MAP3K11: variants seen among roughly 807,000 people sequenced by gnomAD.
MAP3K11 encodes the protein mitogen-activated protein kinase kinase kinase 11.
MAP3K11 carries 46 observed loss-of-function variants against 84.9 expected under a neutral mutation model. That is an observed-to-expected ratio of 0.54 (90% CI 0.43 to 0.69). MAP3K11 has a LOEUF of 0.69. MAP3K11 is among the 30% of genes least tolerant of loss of function. MAP3K11 has a pLI of 0.00. For synonymous variants in MAP3K11, 527 were observed against 514.7 expected (o/e 1.02, Z -0.32); for missense variants, 1,053 against 1,198.3 (o/e 0.88, Z 1.79).
chr11:65,604,719 C>T (rs985143317), intron 8 of MAP3K11, among the ~76,000 whole-genome samples: 1 of 149,564 alleles, frequency 6.7e-6, no homozygotes, highest in East Asian at 2.0e-4. Flanking sequence ...ATGGAAGAGG[C>T]GATGGGCTGG....
At chr11:65,612,425 G>A (rs1038246928) in intron 1 of MAP3K11, 2 of 152,340 alleles carry the variant, frequency 1.3e-5, no homozygotes, top group Non-Finnish European at 2.9e-5. Context: ...GGGATCGCAG[G>A]TCGGGCTTGC....
intron 9 of MAP3K11, 92 bp downstream of exon 9, chr11:65,599,302 C>T (rs550219522): frequency 2.8e-6 from 4 of 1,415,636 alleles, no homozygotes; most frequent in Admixed American, 3.7e-5. Context: ...TGGTCTCGGC[C>T]TTGCCTCCTT....
In MAP3K11 at chr11:65,599,884, C is replaced by T. The variant is rs940218811; in HGVS notation, c.1832-116G>A. 5.2e-6 allele frequency: 6 copies of T among 1,157,410 alleles called. No individual in the cohort carries two copies. In the African/African-American group the frequency reaches 6.5e-5, roughly 13 times the overall value. The allele number at this position is 1,157,410 out of a possible 1,614,324, so 71.7% of individuals were successfully genotyped here. ...GAGTTCTGCCCTCTACTAGCATCTT[C>T]CCTGGTCCCACAGGTCCCATGGCCT... On this transcript the variant is annotated intron_variant, in intron 8 of 9. Transcript: ENST00000309100.
chr11:65,609,366 G>A (rs989957004), intron 1 of MAP3K11: 2 of 152,290 alleles, frequency 1.3e-5, no homozygotes, highest in Admixed American at 1.3e-4. Flanking sequence ...TGGAAGGGAA[G>A]AGAAAGGGTG....
At chr11:65,606,251 G>A in intron 6 of MAP3K11, 170 bp from the exon 7 acceptor site, 2 of 655,584 alleles carry the variant, frequency 3.1e-6, no homozygotes, top group South Asian at 5.2e-5. Context: ...CAACAGTGGG[G>A]TGGGGCATCT....
chr11:65,598,552 C>A lies in MAP3K11; in HGVS notation c.2283G>T (p.Leu761=). 1 of 1,609,064 alleles carries A rather than the reference C, an allele frequency of 6.2e-7. No individual in the cohort carries two copies. The highest frequency in any genetic ancestry group is 1.7e-5 in the Admixed American group (1 of 59,374). ...GTPGTPRSPP[L]GLISRPRPSP... Reference sequence around the variant, plus strand: ...AGGGCCGAGGTCGGCTGATGAGGCCCAGGGGTGGTGAACGTGGGGTGCCTG... The same window carrying A: ...AGGGCCGAGGTCGGCTGATGAGGCCAAGGGGTGGTGAACGTGGGGTGCCTG... The change falls in exon 10 of 10, where the codon CTG becomes CTT. Residue 761 remains leucine, a synonymous_variant. Transcript: ENST00000309100.
chr11:65,600,191 C>T (rs1273248931), intron 8 of MAP3K11, among the ~76,000 whole-genome samples: 2 of 152,184 alleles, frequency 1.3e-5, no homozygotes, highest in East Asian at 3.8e-4. Flanking sequence ...CAGCCCTGCC[C>T]CTTCTGCCCA....
intron 5 of MAP3K11, 137 bp downstream of exon 5, chr11:65,607,133 T>C (rs1194000940): frequency 3.3e-5 from 40 of 1,198,232 alleles, no homozygotes; most frequent in Non-Finnish European, 4.4e-5. Context: ...CACTCCTGGC[T>C]CCACCCCTCC....
At chr11:65,599,807 G>T in intron 8 of MAP3K11, 39 bp from the exon 9 acceptor site, 2 of 1,575,552 alleles carry the variant, frequency 1.3e-6, no homozygotes, top group Non-Finnish European at 1.7e-6. Flanking sequence ...TGTGGCTGGT[G>T]CATATTCCGG....
chr11:65,606,530 C>T, intron 6 of MAP3K11, 161 bp downstream of exon 6: 1 of 502,656 alleles, frequency 2.0e-6, no homozygotes, highest in South Asian at 4.0e-5. Flanking sequence ...AAAATTAATG[C>T]TGCTTGGGGA....
chr11:65,608,105 C>G, intron 2 of MAP3K11, 35 bp from the exon 3 acceptor site: 6 of 1,606,894 alleles, frequency 3.7e-6, no homozygotes, highest in Non-Finnish European at 5.1e-6. Flanking sequence ...GTTCCCTTTT[C>G]TCTCCCAACC....
intron 6 of MAP3K11, chr11:65,606,392 A>T: frequency 2.3e-6 from 1 of 425,664 alleles, no homozygotes; most frequent in Non-Finnish European, 4.1e-6. Flanking sequence ...TTTCTCATCC[A>T]TAAAACTTAA....
rs746858638 is a variant in MAP3K11 at position 65,608,275 on chromosome 11, C to T, written c.913G>A (p.Val305Ile). The change falls in exon 2 of 10, where the codon GTC becomes ATC. Residue 305 changes from valine to isoleucine, a missense_variant. Transcript: ENST00000309100. ...CCCCACCAAGGGCCGCACCTCCAGACGTCACTGCCCTTAGAGAAGGTGGAG... is the reference window on the plus strand; with the variant it reads ...CCCCACCAAGGGCCGCACCTCCAGATGTCACTGCCCTTAGAGAAGGTGGAG... ...KASTFSKGSDVWSFGVLLWEL... is the reference protein window; with the variant it reads ...KASTFSKGSDIWSFGVLLWEL... 28 of 1,613,674 alleles carry T rather than the reference C, an allele frequency of 1.7e-5. No individual in the cohort carries two copies. Among genetic ancestry groups the T allele is most frequent in the Non-Finnish European group, 2.4e-5 (28 of 1,179,604 alleles).
At chr11:65,605,666 G>C in intron 8 of MAP3K11, 95 bp downstream of exon 8, 1 of 840,288 alleles carries the variant, frequency 1.2e-6, no homozygotes, top group Non-Finnish European at 1.8e-6. Context: ...AACCAGGGCA[G>C]GACTCCTGCT....
In MAP3K11 at chr11:65,606,111, A is replaced by C. The variant is rs767587349; in HGVS notation, c.1604-30T>G. The C allele has an allele frequency of 1.1e-5, 17 of 1,549,372 alleles. No homozygotes were observed. The Admixed American group carries it at 3.6e-4, about 33-fold the overall frequency. Reference sequence around the variant, plus strand: ...AGGGGAAACCGATGAAATCGGAGATAATCTTTATTCTCCCTCCATCATCAC... The same window carrying C: ...AGGGGAAACCGATGAAATCGGAGATCATCTTTATTCTCCCTCCATCATCAC... On this transcript the variant is annotated intron_variant, in intron 6 of 9. Coordinates refer to ENST00000309100, the MANE Select transcript of MAP3K11 (RefSeq NM_002419.4).
chr11:65,608,019 G>A lies in MAP3K11; in HGVS notation c.972C>T (p.Gly324=), dbSNP rs1487909133. The A allele has an allele frequency of 6.2e-7, 1 of 1,614,210 alleles. No homozygotes were observed. The highest frequency in any genetic ancestry group is 2.2e-5 in the East Asian group (1 of 44,886). The part of the protein sequence containing the change: ...ELLTGEVPYR[G]IDCLAVAYGV... ...CATAGGCCACAGCAAGGCAGTCAAT[G>A]CCACGGTATGGCACCTCCCCGGTCA... Residue 324 remains glycine, a synonymous_variant, in exon 3 of 10, where the codon GGC becomes GGT. Transcript: ENST00000309100.
At chr11:65,605,469 G>A (rs753497181) in intron 8 of MAP3K11, 1 of 288,594 alleles carries the variant, frequency 3.5e-6, no homozygotes, top group Non-Finnish European at 6.4e-6. Flanking sequence ...TAAAGGCACA[G>A]GGGCTGCCAT....
chr11:65,599,539 C>T lies in MAP3K11; in HGVS notation c.2061G>A (p.Pro687=), dbSNP rs767989362. ...TGAGCGGGGAAGGGGGCGGCTCGGT[C>T]GGGCAGGGCGCGGGCGTTGGCGTGG... ...TPPTPTPAPC[P]TEPPPSPLIC... Residue 687 remains proline, a synonymous_variant, in exon 9 of 10, where the codon CCG becomes CCA. Coordinates refer to ENST00000309100, the MANE Select transcript of MAP3K11 (RefSeq NM_002419.4). 56 of 1,483,110 alleles carry T rather than the reference C, an allele frequency of 3.8e-5. No individual in the cohort carries two copies. The highest frequency in any genetic ancestry group is 4.5e-5 in the African/African-American group (3 of 67,268). The allele number at this position is 1,483,110 out of a possible 1,614,324, so 91.9% of individuals were successfully genotyped here.
At position 65,605,573 on chromosome 11, in the gene MAP3K11, C is replaced by T. The variant is rs574475653; in HGVS notation, c.1831+188G>A. The T allele has an allele frequency of 1.7e-3, 918 of 536,572 alleles. 10 individuals carry two copies. Among genetic ancestry groups the T allele is most frequent in the African/African-American group, 0.017 (859 of 50,378 alleles). 33.2% of individuals were successfully genotyped at this position (536,572 alleles called of 1,614,324 possible). A position where few individuals can be genotyped will look rare whatever the true frequency, so the allele number is the denominator to read the frequency against. ...AGGCCTGGGCTGTATGCCGCTTGATCGTGGGCCTGTAGGTCAGACCTGGGT... is the reference window on the plus strand; with the variant it reads ...AGGCCTGGGCTGTATGCCGCTTGATTGTGGGCCTGTAGGTCAGACCTGGGT... On this transcript the variant is annotated intron_variant, in intron 8 of 9. Transcript: ENST00000309100.
Sources: allele counts gnomAD v4.1 joint callset (sites outside exome capture counted in the v4.1 genomes callset), GRCh38; gene constraint gnomAD v4.1.1; transcripts MANE v1.5; gene names NCBI Gene and HGNC (gene_info 2026-07-23, HGNC 2026-07-21).